The following PTPRM variants were observed in gnomAD, a reference collection of about 807,000 sequenced individuals.
PTPRM encodes receptor-type tyrosine-protein phosphatase mu.
Under a neutral mutation model 186.7 loss-of-function variants are expected in PTPRM, and 47 were observed. The ratio of observed to expected loss-of-function variants is 0.25; its 90% CI spans 0.20 to 0.32. The LOEUF is 0.32. Among genes scored for constraint, PTPRM ranks in the 10% least tolerant of loss-of-function variants. The pLI is 1.00. For synonymous variants in PTPRM, 668 were observed against 674.9 expected, an observed-to-expected ratio of 0.99 and a Z score of 0.16; for missense variants, 1,494 against 1,865.0, an observed-to-expected ratio of 0.80 and a Z score of 3.66.
chr18:7,569,188 T>G (rs2036511515), intron 1 of PTPRM, among the ~76,000 whole-genome samples: 1 of 152,182 alleles, frequency 6.6e-6, no homozygotes, highest in African/African-American at 2.4e-5. Flanking sequence ...TTTTATTTTC[T>G]TGGGGTCCAG....
chr18:8,303,338 G>C (rs73396029), intron 20 of PTPRM, among the ~76,000 whole-genome samples: 3,229 of 152,256 alleles, frequency 0.021, 130 homozygotes, highest in African/African-American at 0.074. Flanking sequence ...ACTAATCAGT[G>C]ACTGGAGCTT....
At chr18:7,616,627 G>A (rs147620730) in intron 1 of PTPRM, among the ~76,000 whole-genome samples, 171 of 152,236 alleles carry the variant, frequency 1.1e-3, no homozygotes, top group African/African-American at 3.9e-3. Context: ...CTACCAGCCC[G>A]GGCACCCCTC....
At chr18:7,834,337 G>A (rs1454636808) in intron 2 of PTPRM, among the ~76,000 whole-genome samples, 1 of 149,472 alleles carries the variant, frequency 6.7e-6, no homozygotes, top group Non-Finnish European at 1.5e-5. Flanking sequence ...CTAGTATTTT[G>A]TTGAGGATTG....
At chr18:7,665,054 G>A (rs1322021290) in intron 1 of PTPRM, among the ~76,000 whole-genome samples, 1 of 152,156 alleles carries the variant, frequency 6.6e-6, no homozygotes, top group Non-Finnish European at 1.5e-5. Flanking sequence ...TGGGTTGGAG[G>A]TGAAAATGTA....
intron 1 of PTPRM, among the ~76,000 whole-genome samples, chr18:7,695,734 C>T (rs1031996796): frequency 2.0e-5 from 3 of 152,128 alleles, no homozygotes; most frequent in Non-Finnish European, 4.4e-5. Context: ...CACTTAGTGC[C>T]AGGCTGCATA....
At chr18:8,376,826 A>C (rs144125073) in intron 26 of PTPRM, 1 of 507,468 alleles carries the variant, frequency 2.0e-6, no homozygotes, top group East Asian at 3.6e-5. Context: ...CAAGAGCCCA[A>C]ATTTGCACAC....
At chr18:7,571,189 C>T (rs559242520) in intron 1 of PTPRM, among the ~76,000 whole-genome samples, 1 of 152,210 alleles carries the variant, frequency 6.6e-6, no homozygotes, top group Non-Finnish European at 1.5e-5. Flanking sequence ...ATCTGCCTGC[C>T]TTGGCCTCCC....
chr18:7,889,368 G>C (rs948424515), intron 3 of PTPRM, among the ~76,000 whole-genome samples: 1 of 122,258 alleles, frequency 8.2e-6, no homozygotes, highest in Non-Finnish European at 1.6e-5. Flanking sequence ...ACTGGGACTC[G>C]TTCCATCACC....
chr18:7,580,727 C>T (rs899089413), intron 1 of PTPRM, among the ~76,000 whole-genome samples: 14 of 152,152 alleles, frequency 9.2e-5, no homozygotes, highest in Non-Finnish European at 1.6e-4. Context: ...AAGTCGTCTC[C>T]ACTCCCAACC....
At chr18:8,006,999 G>A (rs7233195) in intron 7 of PTPRM, among the ~76,000 whole-genome samples, 87,084 of 152,034 alleles carry the variant, frequency 0.57, 25,479 homozygotes, top group African/African-American at 0.69. Context: ...TGTCAACTCT[G>A]TCCAAAAGGT....
intron 1 of PTPRM, among the ~76,000 whole-genome samples, chr18:7,711,333 C>T (rs1041167623): frequency 2.0e-5 from 3 of 152,200 alleles, no homozygotes; most frequent in Non-Finnish European, 4.4e-5. Context: ...GTCTTCACAA[C>T]CCACAGACCA....
At chr18:7,911,614 A>G (rs2050267697) in intron 4 of PTPRM, among the ~76,000 whole-genome samples, 1 of 152,186 alleles carries the variant, frequency 6.6e-6, no homozygotes, top group South Asian at 2.1e-4. Flanking sequence ...ATATATCTAC[A>G]TACAAATTCC....
intron 14 of PTPRM, among the ~76,000 whole-genome samples, chr18:8,177,794 C>T (rs1311314022): frequency 6.6e-6 from 1 of 152,126 alleles, no homozygotes; most frequent in Non-Finnish European, 1.5e-5. Context: ...GTCAAGTGCA[C>T]GGTTTGACCT....
At chr18:7,848,883 G>A (rs546973333) in intron 2 of PTPRM, among the ~76,000 whole-genome samples, 2 of 152,154 alleles carry the variant, frequency 1.3e-5, no homozygotes, top group South Asian at 2.1e-4. Flanking sequence ...TAAAATGTTG[G>A]TAATTTAATG....
intron 7 of PTPRM, among the ~76,000 whole-genome samples, chr18:8,010,513 G>A (rs1419124755): frequency 6.6e-6 from 1 of 152,194 alleles, no homozygotes; most frequent in Admixed American, 6.5e-5. Context: ...GAAAGACCCA[G>A]TTCAAGAAAG....
Position 8,362,883 on chromosome 18 carries a change from A to G in PTPRM, c.3055-8007A>G, listed in dbSNP as rs571641131. ...ATGGAGCCAAAGTCACACAGCTAATAAATGGGACCTGGCTTTGAACCCAGA... is the reference window on the plus strand; with the variant it reads ...ATGGAGCCAAAGTCACACAGCTAATGAATGGGACCTGGCTTTGAACCCAGA... On this transcript the variant is annotated intron_variant, in intron 23 of 32. Coordinates refer to ENST00000580170, the MANE Select transcript of PTPRM (RefSeq NM_001105244.2). 7.2e-5 allele frequency among the ~76,000 whole-genome samples: 11 copies of G among 152,356 alleles called. No individual in the cohort carries two copies. The South Asian group carries it at 2.1e-3, about 29-fold the overall frequency.
At position 8,363,783 on chromosome 18, in the gene PTPRM, G is replaced by A. The variant is rs1440045784; in HGVS notation, c.3055-7107G>A. Among the ~76,000 whole-genome samples the A allele has an allele frequency of 2.0e-5, 3 of 151,898 alleles. No individual in the cohort carries two copies. The East Asian group carries it at 5.8e-4, about 29-fold the overall frequency. On this transcript the variant is annotated intron_variant, in intron 23 of 32. Coordinates refer to ENST00000580170, the MANE Select transcript of PTPRM (RefSeq NM_001105244.2). ...TTAAGTTTTCATCAAGATGAGGTAA[G>A]AGAGAAAAGTAACAAGACAGATTTC... is the stretch of plus-strand genomic sequence containing the variant.
chr18:7,811,644 C>T (rs749990440), intron 2 of PTPRM, among the ~76,000 whole-genome samples: 6 of 152,116 alleles, frequency 3.9e-5, no homozygotes, highest in Non-Finnish European at 7.4e-5. Context: ...GGTTTACAGG[C>T]GTGAGCTACT....
intron 5 of PTPRM, among the ~76,000 whole-genome samples, chr18:7,936,291 G>A (rs749360075): frequency 2.6e-5 from 4 of 152,276 alleles, no homozygotes; most frequent in South Asian, 2.1e-4. Flanking sequence ...ACCCAGCCAC[G>A]GCTGTGGACC....
Sources: allele counts gnomAD v4.1 joint callset (sites outside exome capture counted in the v4.1 genomes callset), GRCh38; gene constraint gnomAD v4.1.1; transcripts MANE v1.5; gene names NCBI Gene and HGNC (gene_info 2026-07-23, HGNC 2026-07-21).